The following SVIL variants were observed in gnomAD, a reference collection of about 807,000 sequenced individuals.
The protein encoded by SVIL is supervillin, also known as archvillin.
Under a neutral mutation model 240.4 loss-of-function variants are expected in SVIL, and 101 were observed. The ratio of observed to expected loss-of-function variants is 0.42; its 90% CI spans 0.36 to 0.50. The LOEUF (loss-of-function observed/expected upper bound fraction) is 0.50. SVIL is among the 20% of genes least tolerant of loss of function. The pLI is 0.01. For synonymous variants in SVIL, 999 were observed against 1,100.0 expected (o/e 0.91, Z 1.82); for missense variants, 2,512 against 2,818.7 (o/e 0.89, Z 2.46).
chr10:29,653,366 TG>T (rs1212895207), intron 3 of SVIL, among the ~76,000 whole-genome samples: 1 of 152,168 alleles, frequency 6.6e-6, no homozygotes, highest in Admixed American at 6.5e-5. Context: ...ATTCACCTTC[TG>T]CCATGATTGT....
chr10:29,602,527 T>C (rs948276253), intron 1 of SVIL, among the ~76,000 whole-genome samples: 1 of 152,246 alleles, frequency 6.6e-6, no homozygotes, highest in Non-Finnish European at 1.5e-5. Context: ...CAAATGTTTT[T>C]ATTCATGATT....
intron 30 of SVIL, chr10:29,473,558 A>G (rs1945830569): frequency 4.1e-6 from 2 of 482,362 alleles, no homozygotes; most frequent in Non-Finnish European, 7.4e-6. Context: ...TTAGGTGGAA[A>G]CCTTTCAAAG....
intron 16 of SVIL, among the ~76,000 whole-genome samples, chr10:29,519,076 C>G (rs1468827973): frequency 6.6e-6 from 1 of 151,744 alleles, no homozygotes; most frequent in African/African-American, 2.4e-5. Flanking sequence ...ATTCCAGACT[C>G]TATTTCTGAG....
intron 1 of SVIL, among the ~76,000 whole-genome samples, chr10:29,595,544 A>C (rs1309568083): frequency 6.6e-6 from 1 of 152,254 alleles, no homozygotes; most frequent in Non-Finnish European, 1.5e-5. Context: ...GGCGAATTCC[A>C]TTCATTTCAC....
chr10:29,571,624 T>C (rs1462848256), intron 1 of SVIL, among the ~76,000 whole-genome samples: 1 of 152,182 alleles, frequency 6.6e-6, no homozygotes, highest in Non-Finnish European at 1.5e-5. Context: ...ATTCAAAATT[T>C]TAATTTGAGG....
At chr10:29,647,815 T>C (rs1958709873) in intron 3 of SVIL, among the ~76,000 whole-genome samples, 1 of 152,146 alleles carries the variant, frequency 6.6e-6, no homozygotes, top group Admixed American at 6.5e-5. Flanking sequence ...ATTCCTTCAG[T>C]GTTTTTATAA....
At position 29,553,284 on chromosome 10, in the gene SVIL, A is replaced by G. The variant is rs1021039741; in HGVS notation, c.160+1499T>C. On this transcript the variant is annotated intron_variant, in intron 5 of 37. Coordinates refer to ENST00000355867, the MANE Select transcript of SVIL (RefSeq NM_021738.3). Reference sequence around the variant, plus strand: ...AGAAACTAGAAAACACTGGCTATAAAAAGCAGCAGCATGGCCGGGCACAGT... The same window carrying G: ...AGAAACTAGAAAACACTGGCTATAAGAAGCAGCAGCATGGCCGGGCACAGT... 3.3e-5 allele frequency among the ~76,000 whole-genome samples: 5 copies of G among 152,152 alleles called. No individual in the cohort carries two copies. The East Asian group carries it at 5.8e-4, about 18-fold the overall frequency.
chr10:29,628,108 GTAAAC>G (rs1321973624), intron 1 of SVIL, among the ~76,000 whole-genome samples: 10 of 152,176 alleles, frequency 6.6e-5, no homozygotes, highest in Admixed American at 2.0e-4. Context: ...ATAGCACACA[GTAAAC>G]TAAACTATCA....
intron 16 of SVIL, among the ~76,000 whole-genome samples, chr10:29,519,885 T>C (rs1950452384): frequency 6.6e-6 from 1 of 152,232 alleles, no homozygotes; most frequent in South Asian, 2.1e-4. Context: ...CAATTCTGAA[T>C]ACACTTCCGG....
At chr10:29,464,964 G>C (rs1049445754) in intron 34 of SVIL, among the ~76,000 whole-genome samples, 1 of 152,200 alleles carries the variant, frequency 6.6e-6, no homozygotes, top group African/African-American at 2.4e-5. Context: ...CTGGAGTCTT[G>C]GCTCTGCTGT....
intron 30 of SVIL, 132 bp from the exon 31 acceptor site, chr10:29,471,375 C>T (rs1945561851): frequency 1.5e-6 from 1 of 681,736 alleles, no homozygotes; most frequent in Non-Finnish European, 2.4e-6. Flanking sequence ...AACACTACCA[C>T]CTAAAGAGAA....
At chr10:29,546,329 A>G (rs1166127238) in intron 6 of SVIL, among the ~76,000 whole-genome samples, 1 of 152,180 alleles carries the variant, frequency 6.6e-6, no homozygotes, top group African/African-American at 2.4e-5. Context: ...GAAGTATCTT[A>G]TTGTTTTCTA....
At chr10:29,689,446 G>A (rs1003461007) in intron 1 of SVIL, among the ~76,000 whole-genome samples, 5 of 152,062 alleles carry the variant, frequency 3.3e-5, no homozygotes, top group Admixed American at 6.6e-5. Context: ...CAACACATCC[G>A]GCTAACTTTT....
At chr10:29,658,111 A>C (rs1397064748) in intron 2 of SVIL, 1 of 152,244 alleles carries the variant, frequency 6.6e-6, no homozygotes, top group Non-Finnish European at 1.5e-5. Flanking sequence ...TGAGAAAGAA[A>C]ATAGCAAACA....
chr10:29,555,181 G>A (rs1953793493), intron 3 of SVIL, 73 bp from the exon 4 acceptor site: 11 of 1,382,494 alleles, frequency 8.0e-6, no homozygotes, highest in South Asian at 2.9e-5. Context: ...CTCATGCAAC[G>A]TGTTTATTGA....
chr10:29,601,892 C>T (rs1187824215), intron 1 of SVIL, among the ~76,000 whole-genome samples: 1 of 152,214 alleles, frequency 6.6e-6, no homozygotes, highest in African/African-American at 2.4e-5. Context: ...TTCTCTTCCT[C>T]ATTATCTGTA....
chr10:29,587,510 C>G (rs1232484155), intron 1 of SVIL, among the ~76,000 whole-genome samples: 1 of 152,194 alleles, frequency 6.6e-6, no homozygotes, highest in Non-Finnish European at 1.5e-5. Flanking sequence ...CTTCCAAGGC[C>G]GCACTGGGAC....
intron 1 of SVIL, among the ~76,000 whole-genome samples, chr10:29,629,118 A>G (rs1045805047): frequency 2.0e-4 from 31 of 152,246 alleles, no homozygotes; most frequent in African/African-American, 7.5e-4. Flanking sequence ...CTTGAGGTCA[A>G]GGGGAGCTTT....
Position 29,480,580 on chromosome 10 carries a change from C to T in SVIL, c.5334G>A (p.Gly1778=). ...ACTTCCACTTGACCACATAGGCATC[C>T]CCCTCATGGAACTGCCCGATGCTTT... The part of the protein sequence containing the change: ...PKQSIGQFHE[G]DAYVVKWKFM... Residue 1778 remains glycine, a synonymous_variant, in exon 29 of 38, where the codon GGG becomes GGA. Coordinates refer to ENST00000355867, the MANE Select transcript of SVIL (RefSeq NM_021738.3). The T allele has an allele frequency of 6.2e-7, 1 of 1,613,892 alleles. No homozygotes were observed. Among genetic ancestry groups the T allele is most frequent in the Non-Finnish European group, 8.5e-7 (1 of 1,180,038 alleles).
Sources: allele counts gnomAD v4.1 joint callset (sites outside exome capture counted in the v4.1 genomes callset), GRCh38; gene constraint gnomAD v4.1.1; transcripts MANE v1.5; gene names NCBI Gene and HGNC (gene_info 2026-07-23, HGNC 2026-07-21).